Variants in LIMK2 observed in about 807,000 individuals in gnomAD.
The protein encoded by LIMK2 is LIM domain kinase 2.
A neutral mutation model predicts 75.7 loss-of-function variants in LIMK2; 35 were observed. The ratio of observed to expected loss-of-function variants is 0.46; its 90% CI spans 0.35 to 0.61. The LOEUF (loss-of-function observed/expected upper bound fraction) is 0.61. Among genes scored for constraint, LIMK2 ranks in the 20% least tolerant of loss-of-function variants. LIMK2 has a pLI of 0.00. For synonymous variants in LIMK2, 301 were observed against 319.2 expected (o/e 0.94, Z 0.61); for missense variants, 623 against 831.0 (o/e 0.75, Z 3.08).
chr22:31,265,901 C>A (rs1023064571), intron 7 of LIMK2, 45 bp from the exon 8 acceptor site: 1 of 1,567,652 alleles, frequency 6.4e-7, no homozygotes, highest in South Asian at 1.1e-5. Flanking sequence ...CTTGGCCGGT[C>A]TCTGAGGACT....
At chr22:31,234,581 C>T (rs1183753506) in intron 2 of LIMK2, among the ~76,000 whole-genome samples, 1 of 151,434 alleles carries the variant, frequency 6.6e-6, no homozygotes, top group African/African-American at 2.4e-5. Context: ...ATTAGCTGGT[C>T]GTGGTGGCGT....
Position 31,243,891 on chromosome 22 carries a change from T to C in LIMK2, c.117-14400T>C, listed in dbSNP as rs191144513. On this transcript the variant is annotated intron_variant, in intron 2 of 15. Coordinates refer to ENST00000331728, the MANE Select transcript of LIMK2 (RefSeq NM_005569.4). ...AAGTTGGCTCTGAGGAACCACACAC[T>C]TGGGTCTGAGCAGCCAGCAGCTTAT... is the stretch of plus-strand genomic sequence containing the variant. 2.1e-4 allele frequency among the ~76,000 whole-genome samples: 32 copies of C among 152,320 alleles called. No homozygotes were observed. In the South Asian group the frequency reaches 2.3e-3, roughly 11 times the overall value.
At chr22:31,267,350 ACACTC>A (rs2123852886) in intron 9 of LIMK2, among the ~76,000 whole-genome samples, 1 of 152,308 alleles carries the variant, frequency 6.6e-6, no homozygotes, top group African/African-American at 2.4e-5. Context: ...GGACATGAAA[ACACTC>A]CAATTTAGTA....
At chr22:31,246,885 T>C (rs1259993026) in intron 2 of LIMK2, among the ~76,000 whole-genome samples, 1 of 152,232 alleles carries the variant, frequency 6.6e-6, no homozygotes. Context: ...GTTTCCTCCT[T>C]TTACTGGCAA....
chr22:31,269,388 A>G (rs1332754805), intron 11 of LIMK2, among the ~76,000 whole-genome samples: 3 of 139,266 alleles, frequency 2.2e-5, no homozygotes, highest in Non-Finnish European at 4.5e-5. Context: ...TCGCCCTCCC[A>G]AAGTGTTGGG....
At chr22:31,237,830 C>T (rs935473791) in intron 2 of LIMK2, among the ~76,000 whole-genome samples, 4 of 151,558 alleles carry the variant, frequency 2.6e-5, no homozygotes, top group South Asian at 2.1e-4. Context: ...TAAGGCCGAG[C>T]GCAGTGGCTC....
intron 2 of LIMK2, among the ~76,000 whole-genome samples, chr22:31,236,931 C>CATAAAATAAAATAAAATAAA (rs200484476): frequency 1.4e-5 from 2 of 144,686 alleles, no homozygotes; most frequent in East Asian, 2.1e-4. Context: ...AATAAATAAA[C>CATAAAATAAAATAAAATAAA]ATAAAATAAA....
At chr22:31,234,232 G>A (rs1375440608) in intron 2 of LIMK2, among the ~76,000 whole-genome samples, 9 of 149,674 alleles carry the variant, frequency 6.0e-5, no homozygotes, top group Non-Finnish European at 1.3e-4. Context: ...AGCTAGTCTC[G>A]AACTCCTGAC....
intron 8 of LIMK2, among the ~76,000 whole-genome samples, chr22:31,266,757 G>A (rs1346702169): frequency 6.6e-6 from 1 of 152,158 alleles, no homozygotes; most frequent in African/African-American, 2.4e-5. Flanking sequence ...CCCTTTTCTG[G>A]GTTCTTGCCT....
At chr22:31,256,281 G>A (rs895778887) in intron 2 of LIMK2, among the ~76,000 whole-genome samples, 5 of 150,150 alleles carry the variant, frequency 3.3e-5, no homozygotes, top group African/African-American at 1.2e-4. Flanking sequence ...ACAGGTGTGA[G>A]CCACCGCGCC....
intron 15 of LIMK2, among the ~76,000 whole-genome samples, chr22:31,276,257 C>T (rs146975020): frequency 2.9e-3 from 444 of 152,136 alleles, no homozygotes; most frequent in Non-Finnish European, 3.7e-3. Flanking sequence ...TCTTTTCCTG[C>T]CATCAAAAAT....
In LIMK2 at chr22:31,275,016, G is replaced by A. The variant is rs2048998797; in HGVS notation, c.1615-135G>A. Reference sequence around the variant, plus strand: ...AGATTTGGAGAGATGATTGGGGATTGGGGAGAGCTCTCTAACCTATTTTAC... The same window carrying A: ...AGATTTGGAGAGATGATTGGGGATTAGGGAGAGCTCTCTAACCTATTTTAC... On this transcript the variant is annotated intron_variant, in intron 14 of 15. Coordinates refer to ENST00000331728, the MANE Select transcript of LIMK2 (RefSeq NM_005569.4). 35 of 799,388 alleles carry A rather than the reference G, an allele frequency of 4.4e-5. 1 individual carries two copies. The South Asian group carries it at 5.4e-4, about 12-fold the overall frequency. The allele number at this position is 799,388 out of a possible 1,614,324, so 49.5% of individuals were successfully genotyped here.
intron 15 of LIMK2, chr22:31,277,639 TTGAA>T (rs1159271947): frequency 2.8e-6 from 2 of 719,436 alleles, no homozygotes; most frequent in African/African-American, 3.9e-5. Flanking sequence ...ATATACAGTA[TTGAA>T]TGCCTACTGT....
intron 2 of LIMK2, among the ~76,000 whole-genome samples, chr22:31,256,250 G>T (rs2048779961): frequency 6.7e-6 from 1 of 150,036 alleles, no homozygotes; most frequent in Non-Finnish European, 1.5e-5. Context: ...GCCCGCCTCA[G>T]CCTCCCAAAG....
chr22:31,221,452 G>A (rs914336918), intron 1 of LIMK2, among the ~76,000 whole-genome samples: 1 of 151,446 alleles, frequency 6.6e-6, no homozygotes. Flanking sequence ...TGATATCTTC[G>A]TACCACTTGC....
chr22:31,244,138 G>T (rs1422291675), intron 2 of LIMK2, among the ~76,000 whole-genome samples: 1 of 152,164 alleles, frequency 6.6e-6, no homozygotes, highest in Non-Finnish European at 1.5e-5. Flanking sequence ...AGAGGAGAGC[G>T]CCTGCAGCCT....
At chr22:31,218,675 TCTTTTTCTCTTGG>T (rs2048407722) in intron 1 of LIMK2, among the ~76,000 whole-genome samples, 1 of 152,122 alleles carries the variant, frequency 6.6e-6, no homozygotes, top group East Asian at 1.9e-4. Context: ...TAAAATGTGA[TCTTTTTCTCTTGG>T]CTTTTCCCCA....
Position 31,248,791 on chromosome 22 carries a change from C to G in LIMK2, c.117-9500C>G, listed in dbSNP as rs752678770. 4 of 1,613,242 alleles carry G rather than the reference C, an allele frequency of 2.5e-6. No homozygotes were observed. In the Admixed American group the frequency reaches 5.0e-5, roughly 20 times the overall value. On this transcript the variant is annotated intron_variant, in intron 2 of 15. Coordinates refer to ENST00000331728, the MANE Select transcript of LIMK2 (RefSeq NM_005569.4). Reference sequence around the variant, plus strand: ...TTCGGTGAGTTGGTCTCCGAGTTCCCCTCTCCATCTCTCCTGGCCCCTGGT... The same window carrying G: ...TTCGGTGAGTTGGTCTCCGAGTTCCGCTCTCCATCTCTCCTGGCCCCTGGT...
Position 31,243,063 on chromosome 22 carries a change from C to T in LIMK2, c.117-15228C>T, listed in dbSNP as rs142032117. Among the ~76,000 whole-genome samples, 575 of 152,294 alleles carry T rather than the reference C, an allele frequency of 3.8e-3. 5 individuals carry two copies. Among genetic ancestry groups the T allele is most frequent in the African/African-American group, 0.013 (537 of 41,554 alleles). ...TCAGCCTCCGCAGTAGCTGGGATTA[C>T]GGGCACACACCACCACATCCAGCTA... On this transcript the variant is annotated intron_variant, in intron 2 of 15. Coordinates refer to ENST00000331728, the MANE Select transcript of LIMK2 (RefSeq NM_005569.4).
Sources: allele counts gnomAD v4.1 joint callset (sites outside exome capture counted in the v4.1 genomes callset), GRCh38; gene constraint gnomAD v4.1.1; transcripts MANE v1.5; gene names NCBI Gene and HGNC (gene_info 2026-07-23, HGNC 2026-07-21).